DENND2B: variants seen among roughly 807,000 people sequenced by gnomAD.
DENND2B encodes DENN domain-containing protein 2B.
A neutral mutation model predicts 116.0 loss-of-function variants in DENND2B; 32 were observed. The ratio of observed to expected loss-of-function variants is 0.28; its 90% CI spans 0.21 to 0.37. The LOEUF (loss-of-function observed/expected upper bound fraction) is 0.37. DENND2B is among the 10% of genes least tolerant of loss of function. The pLI, the probability that DENND2B is intolerant of heterozygous loss-of-function variation, is 1.00. For synonymous variants in DENND2B, 588 were observed against 583.9 expected, an observed-to-expected ratio of 1.01 and a Z score of -0.10; for missense variants, 1,276 against 1,477.7, an observed-to-expected ratio of 0.86 and a Z score of 2.24.
At chr11:8,817,789 G>A (rs1485684052) in intron 4 of DENND2B, among the ~76,000 whole-genome samples, 3 of 152,136 alleles carry the variant, frequency 2.0e-5, no homozygotes, top group East Asian at 1.9e-4. Context: ...CTGTGATAAC[G>A]TTAATATATA....
At chr11:8,886,463 G>T (rs1186262811) in intron 1 of DENND2B, among the ~76,000 whole-genome samples, 2 of 151,976 alleles carry the variant, frequency 1.3e-5, no homozygotes, top group Non-Finnish European at 2.9e-5. Context: ...TATCTGGAAA[G>T]GGTAAACAGA....
chr11:8,758,428 A>G (rs1311332745), intron 1 of DENND2B, among the ~76,000 whole-genome samples: 3 of 152,066 alleles, frequency 2.0e-5, no homozygotes, highest in African/African-American at 7.2e-5. Flanking sequence ...GTCTTCCTGT[A>G]TTTTGAAATT....
chr11:8,796,158 TGA>T (rs1429602670), intron 1 of DENND2B, among the ~76,000 whole-genome samples: 1 of 152,198 alleles, frequency 6.6e-6, no homozygotes, highest in Non-Finnish European at 1.5e-5. Context: ...CACCAAGGAA[TGA>T]GAGTTTATAA....
chr11:8,750,122 G>A (rs971733204), intron 2 of DENND2B, among the ~76,000 whole-genome samples: 1 of 152,230 alleles, frequency 6.6e-6, no homozygotes, highest in Non-Finnish European at 1.5e-5. Context: ...GAAACGTTCT[G>A]AGAGCTCGCT....
chr11:8,794,096 T>G (rs532448319), intron 1 of DENND2B, among the ~76,000 whole-genome samples: 1 of 152,300 alleles, frequency 6.6e-6, no homozygotes, highest in East Asian at 1.9e-4. Flanking sequence ...TATTCCCCAT[T>G]TTGCAAAAGT....
intron 1 of DENND2B, among the ~76,000 whole-genome samples, chr11:8,751,397 G>A (rs942125294): frequency 1.3e-5 from 2 of 152,140 alleles, no homozygotes; most frequent in Non-Finnish European, 2.9e-5. Flanking sequence ...GGCTGCCCAA[G>A]CCAGCAGTGG....
chr11:8,705,519 G>A (rs1167596236), intron 13 of DENND2B, among the ~76,000 whole-genome samples: 5 of 152,122 alleles, frequency 3.3e-5, no homozygotes, highest in African/African-American at 9.7e-5. Flanking sequence ...CAGGACTGAG[G>A]AGGACCCCAT....
intron 18 of DENND2B, 129 bp downstream of exon 18, chr11:8,696,298 A>G: frequency 7.3e-7 from 1 of 1,376,824 alleles, no homozygotes; most frequent in African/African-American, 1.4e-5. Context: ...TGAAGTTTCT[A>G]ACAGAGGTAA....
rs547821282 is a variant in DENND2B, at chr11:8,695,719, G to C, written c.3293-170C>G. 4 of 613,624 alleles carry C rather than the reference G, an allele frequency of 6.5e-6. No homozygotes were observed. In the Admixed American group the frequency reaches 1.2e-4, roughly 18 times the overall value. The allele number at this position is 613,624 out of a possible 1,614,324, so 38.0% of individuals were successfully genotyped here. ...AGAATTCGGGCTGGCTCATCAAGGC[G>C]ATCATTAGTGACATCTTGCCGGGGT... On this transcript the variant is annotated intron_variant, in intron 18 of 19. Coordinates refer to ENST00000313726, the MANE Select transcript of DENND2B (RefSeq NM_213618.2).
At chr11:8,828,139 T>C (rs1433080185) in intron 4 of DENND2B, among the ~76,000 whole-genome samples, 2 of 152,064 alleles carry the variant, frequency 1.3e-5, no homozygotes, top group African/African-American at 2.4e-5. Context: ...ACCTCTTGAG[T>C]TCTCAAGGAA....
chr11:8,777,645 C>T (rs2134231806), intron 1 of DENND2B, among the ~76,000 whole-genome samples: 1 of 152,318 alleles, frequency 6.6e-6, no homozygotes, highest in African/African-American at 2.4e-5. Flanking sequence ...GTGCTCAAAG[C>T]TACACACATT....
At chr11:8,750,832 G>T (rs2052276394) in intron 1 of DENND2B, 107 bp from the exon 2 acceptor site, 1 of 965,880 alleles carries the variant, frequency 1.0e-6, no homozygotes, top group Admixed American at 2.0e-5. Flanking sequence ...TCTGTGGCAG[G>T]TAGTAGAAAC....
chr11:8,748,244 C>T (rs192594167), intron 2 of DENND2B, among the ~76,000 whole-genome samples: 1 of 152,126 alleles, frequency 6.6e-6, no homozygotes, highest in Non-Finnish European at 1.5e-5. Context: ...GATAAAAGGG[C>T]CCCAGGTCAC....
chr11:8,765,831 A>T (rs2055637417), intron 1 of DENND2B, among the ~76,000 whole-genome samples: 1 of 152,112 alleles, frequency 6.6e-6, no homozygotes, highest in African/African-American at 2.4e-5. Context: ...TGAGGTCAGG[A>T]GTTCGAGACC....
intron 14 of DENND2B, chr11:8,699,825 T>G (rs1211606778): frequency 2.2e-6 from 1 of 456,888 alleles, no homozygotes; most frequent in Admixed American, 2.4e-5. Flanking sequence ...ACCTAAAACA[T>G]CAGCAACGGA....
intron 5 of DENND2B, among the ~76,000 whole-genome samples, chr11:8,716,653 T>A (rs1592626094): frequency 1.3e-5 from 2 of 150,240 alleles, no homozygotes; most frequent in East Asian, 1.9e-4. Flanking sequence ...GGTAAATCTT[T>A]TTTTTTTTTT....
intron 2 of DENND2B, among the ~76,000 whole-genome samples, chr11:8,861,571 T>A (rs1407587197): frequency 6.6e-6 from 1 of 152,214 alleles, no homozygotes; most frequent in African/African-American, 2.4e-5. Flanking sequence ...CAAATGCTTA[T>A]ACACTGCTGG....
At chr11:8,897,995 A>G (rs2064123468) in intron 1 of DENND2B, among the ~76,000 whole-genome samples, 1 of 152,158 alleles carries the variant, frequency 6.6e-6, no homozygotes. Flanking sequence ...GCTGGCCTCA[A>G]GCTGTTGGTA....
intron 1 of DENND2B, chr11:8,757,221 A>G (rs887929904): frequency 2.6e-5 from 10 of 389,482 alleles, no homozygotes; most frequent in Non-Finnish European, 4.0e-5. Context: ...CCATAATAGC[A>G]ATATGACCTA....
Sources: allele counts gnomAD v4.1 joint callset (sites outside exome capture counted in the v4.1 genomes callset), GRCh38; gene constraint gnomAD v4.1.1; transcripts MANE v1.5; gene names NCBI Gene and HGNC (gene_info 2026-07-23, HGNC 2026-07-21).